The following PDILT variants were observed in gnomAD, a reference collection of about 807,000 sequenced individuals.
The protein encoded by PDILT is protein disulfide-isomerase-like protein of the testis.
In PDILT, 43 loss-of-function variants were observed where a neutral mutation model predicts 53.7. The observed-to-expected ratio is 0.80, with a 90% CI of 0.63 to 1.03. PDILT has a LOEUF of 1.03. PDILT is among the 50% of genes least tolerant of loss of function. The pLI, the probability that PDILT is intolerant of heterozygous loss-of-function variation, is 0.00. For missense variants in PDILT, 727 were observed against 712.3 expected (o/e 1.02, Z -0.24); for synonymous variants, 282 against 274.2 (o/e 1.03, Z -0.28).
chr16:20,365,633 C>T, intron 8 of PDILT, 93 bp from the exon 9 acceptor site: 1 of 1,472,408 alleles, frequency 6.8e-7, no homozygotes, highest in Non-Finnish European at 9.3e-7. Context: ...TAAAGGTTTT[C>T]TCGTGTTTTT....
At chr16:20,363,040 C>G (rs1157533775) in intron 9 of PDILT, among the ~76,000 whole-genome samples, 1 of 115,552 alleles carries the variant, frequency 8.7e-6, no homozygotes, top group Non-Finnish European at 1.6e-5. Flanking sequence ...CCACTGCACT[C>G]GAGTCTGGGT....
intron 8 of PDILT, among the ~76,000 whole-genome samples, chr16:20,366,601 A>C (rs1966194654): frequency 1.3e-5 from 2 of 152,250 alleles, no homozygotes; most frequent in African/African-American, 4.8e-5. Flanking sequence ...CCTGTTACAT[A>C]GTAGATCCTC....
intron 3 of PDILT, among the ~76,000 whole-genome samples, chr16:20,377,024 G>A (rs1033139386): frequency 6.6e-6 from 1 of 152,196 alleles, no homozygotes; most frequent in African/African-American, 2.4e-5. Context: ...GGTGGCCTAT[G>A]CCTATTTCCC....
chr16:20,384,910 TA>T (rs1412083969), intron 2 of PDILT, 59 bp from the exon 3 acceptor site: 3 of 1,526,294 alleles, frequency 2.0e-6, no homozygotes, highest in Non-Finnish European at 2.7e-6. Flanking sequence ...TCTCCAACAG[TA>T]GATTATTTGT....
At chr16:20,360,492 C>T (rs1399604500) in intron 11 of PDILT, 76 bp downstream of exon 11, 6 of 1,299,766 alleles carry the variant, frequency 4.6e-6, no homozygotes, top group Non-Finnish European at 5.6e-6. Flanking sequence ...TCCAGCCATA[C>T]TCTTTTGTTG....
At chr16:20,383,235 G>A (rs527267122) in intron 3 of PDILT, among the ~76,000 whole-genome samples, 8 of 152,138 alleles carry the variant, frequency 5.3e-5, no homozygotes, top group Non-Finnish European at 8.8e-5. Flanking sequence ...TGCCCTTCAG[G>A]AGGGAAGGTC....
Position 20,380,328 on chromosome 16 carries a change from A to C in PDILT, c.410-4127T>G, listed in dbSNP as rs144750510. On this transcript the variant is annotated intron_variant, in intron 3 of 11. Transcript: ENST00000302451. ...GACCTGTTCTATTTTCTTTTCTTTT[A>C]TTTTCTTTTTCTTTTTTTCTTTTTT... 5.4e-4 allele frequency among the ~76,000 whole-genome samples: 82 copies of C among 150,652 alleles called. No homozygotes were observed. The Middle Eastern group carries it at 0.017, about 31-fold the overall frequency.
At position 20,387,559 on chromosome 16, in the gene PDILT, T is replaced by C. The variant is rs186031488; in HGVS notation, c.203-2708A>G. ...CTTTGACTTTTCCCAGAATATGGAA[T>C]GGTACCAGAGGGTTTGGAGCAGAGG... is the stretch of plus-strand genomic sequence containing the variant. On this transcript the variant is annotated intron_variant, in intron 2 of 11. Coordinates refer to ENST00000302451, the MANE Select transcript of PDILT (RefSeq NM_174924.2). Among the ~76,000 whole-genome samples, 546 of 152,266 alleles carry C rather than the reference T, an allele frequency of 3.6e-3. 3 individuals carry two copies. The highest frequency in any genetic ancestry group is 0.013 in the African/African-American group (528 of 41,556).
At chr16:20,379,918 C>T (rs760387831) in intron 3 of PDILT, among the ~76,000 whole-genome samples, 5 of 152,158 alleles carry the variant, frequency 3.3e-5, no homozygotes, top group Non-Finnish European at 5.9e-5. Context: ...AGTTTCTGTA[C>T]AGTGTTTCCA....
intron 11 of PDILT, 94 bp from the exon 12 acceptor site, chr16:20,359,661 T>C (rs2141695411): frequency 1.6e-6 from 2 of 1,232,106 alleles, no homozygotes; most frequent in Non-Finnish European, 2.3e-6. Flanking sequence ...GTGGTTGTAA[T>C]AGTCAAGCCT....
At chr16:20,371,380 T>A (rs1966304080) in intron 7 of PDILT, among the ~76,000 whole-genome samples, 1 of 152,218 alleles carries the variant, frequency 6.6e-6, no homozygotes, top group Non-Finnish European at 1.5e-5. Flanking sequence ...TAGGGTCAGA[T>A]ACTTGCAGTT....
intron 1 of PDILT, among the ~76,000 whole-genome samples, chr16:20,403,850 G>A (rs1339775710): frequency 5.3e-5 from 8 of 151,814 alleles, no homozygotes; most frequent in Non-Finnish European, 1.0e-4. Flanking sequence ...CACCCTACCC[G>A]GGGCCTTTGC....
At chr16:20,400,070 A>T (rs57485239) in intron 1 of PDILT, among the ~76,000 whole-genome samples, 66,798 of 124,316 alleles carry the variant, frequency 0.54, 17,371 homozygotes, top group Middle Eastern at 0.6. Context: ...ATATATATAT[A>T]TATTTTTTGA....
At chr16:20,359,609 A>T (rs753100625) in intron 11 of PDILT, 42 bp from the exon 12 acceptor site, 10 of 1,561,324 alleles carry the variant, frequency 6.4e-6, no homozygotes, top group Non-Finnish European at 7.9e-6. Context: ...GGGAGGGAAG[A>T]AAGGGAGAAA....
At chr16:20,389,115 G>A (rs1216778383) in intron 2 of PDILT, among the ~76,000 whole-genome samples, 1 of 152,108 alleles carries the variant, frequency 6.6e-6, no homozygotes, top group East Asian at 1.9e-4. Flanking sequence ...TGCCCAGTGG[G>A]CTGTAGATAG....
Position 20,376,134 on chromosome 16 carries a change from G to A in PDILT, c.477C>T (p.Phe159=). Reference sequence around the variant, plus strand: ...ACTCTGCCACCTGCTCGCTGCTGTTGAACAAAAATGCTTTCTGGCTAATTT... The same window carrying A: ...ACTCTGCCACCTGCTCGCTGCTGTTAAACAAAAATGCTTTCTGGCTAATTT... The part of the protein sequence containing the change: ...RRQISQKAFL[F]NSSEQVAEFV... Residue 159 remains phenylalanine, a synonymous_variant, in exon 4 of 12, where the codon TTC becomes TTT. Transcript: ENST00000302451. 1 of 1,614,130 alleles carries A rather than the reference G, an allele frequency of 6.2e-7. No homozygotes were observed. The highest frequency in any genetic ancestry group is 8.5e-7 in the Non-Finnish European group (1 of 1,180,018).
chr16:20,374,802 C>A lies in PDILT; in HGVS notation c.681+20G>T. ...CTTTGAACCAGAGACCTCTCACTAG[C>A]AATAGGATCAAAATCCTACCTTTTT... is the stretch of plus-strand genomic sequence containing the variant. On this transcript the variant is annotated intron_variant, in intron 5 of 11. Transcript: ENST00000302451. The A allele has an allele frequency of 3.1e-6, 5 of 1,602,574 alleles. No individual in the cohort carries two copies. The highest frequency in any genetic ancestry group is 4.3e-6 in the Non-Finnish European group (5 of 1,174,970).
At chr16:20,379,266 C>T (rs1232338762) in intron 3 of PDILT, among the ~76,000 whole-genome samples, 3 of 152,100 alleles carry the variant, frequency 2.0e-5, no homozygotes, top group South Asian at 4.1e-4. Flanking sequence ...CTCTGCCTCC[C>T]GGGTTCCAGT....
chr16:20,398,849 A>G (rs1286468231), intron 2 of PDILT, among the ~76,000 whole-genome samples: 1 of 152,192 alleles, frequency 6.6e-6, no homozygotes, highest in Non-Finnish European at 1.5e-5. Flanking sequence ...GCTCCTCTTC[A>G]GTGGGACAGA....
Sources: gnomAD v4.1 joint callset for allele counts (sites outside exome capture counted in the v4.1 genomes callset) on GRCh38, gnomAD v4.1.1 for gene constraint, MANE v1.5 for transcripts, NCBI Gene and HGNC (gene_info 2026-07-23, HGNC 2026-07-21) for gene names.